The following NAA16 variants were observed in gnomAD, a reference collection of about 807,000 sequenced individuals.
The protein encoded by NAA16 is NARG1-like protein.
Under a neutral mutation model 110.3 loss-of-function variants are expected in NAA16, and 97 were observed. The ratio of observed to expected loss-of-function variants is 0.88; its 90% CI spans 0.75 to 1.04. The LOEUF (loss-of-function observed/expected upper bound fraction) is 1.04. Ranked by LOEUF, NAA16 falls within the 50% of genes least tolerant of loss-of-function variation. The pLI is 0.00. For synonymous variants in NAA16, 372 were observed against 330.6 expected (o/e 1.13, Z -1.36); for missense variants, 1,017 against 1,005.1 (o/e 1.01, Z -0.16).
Position 41,362,159 on chromosome 13 carries a change from G to C in NAA16, c.1539G>C (p.Arg513Ser). 2 of 1,589,788 alleles carry C rather than the reference G, an allele frequency of 1.3e-6. No individual in the cohort carries two copies. Among genetic ancestry groups the C allele is most frequent in the South Asian group, 2.3e-5 (2 of 86,444 alleles). The change falls in exon 13 of 20, where the codon AGG becomes AGC. Residue 513 changes from arginine (R) to serine (S), a missense_variant and splice_region_variant. By Grantham distance (110) the Arg-to-Ser change is moderately radical. Transcript: ENST00000379406. ...TGAAAAAATGTCATGAAGTAGAAAG[G>C]GTAAGTTGTTAGAATTTCGACTTCA... ...DALKKCHEVERHFFEITDDQF... is the reference protein window; with the variant it reads ...DALKKCHEVESHFFEITDDQF...
At chr13:41,372,677 A>G in intron 16 of NAA16, 55 bp from the exon 17 acceptor site, 1 of 1,456,710 alleles carries the variant, frequency 6.9e-7, no homozygotes, top group Non-Finnish European at 9.1e-7. Context: ...AAATAAAGTG[A>G]GGAAAATACT....
intron 3 of NAA16, among the ~76,000 whole-genome samples, chr13:41,319,718 T>C (rs2041899230): frequency 6.6e-6 from 1 of 151,802 alleles, no homozygotes; most frequent in Non-Finnish European, 1.5e-5. Flanking sequence ...AGTTTCGCCA[T>C]GTTGGTCAGG....
At chr13:41,363,851 C>G (rs1049755259) in intron 13 of NAA16, among the ~76,000 whole-genome samples, 1 of 152,066 alleles carries the variant, frequency 6.6e-6, no homozygotes, top group Non-Finnish European at 1.5e-5. Flanking sequence ...AAAGAACCTA[C>G]TCTTATACCA....
intron 9 of NAA16, among the ~76,000 whole-genome samples, chr13:41,352,147 G>A (rs1225723608): frequency 6.6e-6 from 1 of 152,124 alleles, no homozygotes; most frequent in African/African-American, 2.4e-5. Context: ...TTTGAGACCA[G>A]CCCGGGCAAC....
Position 41,318,922 on chromosome 13 carries a change from C to T in NAA16, c.244+12C>T, listed in dbSNP as rs775828674. On this transcript the variant is annotated intron_variant, in intron 3 of 19. Coordinates refer to ENST00000379406, the MANE Select transcript of NAA16 (RefSeq NM_024561.5). Reference sequence around the variant, plus strand: ...CAAGAGTCATGTCTGTATCCTTTTGCAGTAGTTAAATAGTTTATGTTTTAG... The same window carrying T: ...CAAGAGTCATGTCTGTATCCTTTTGTAGTAGTTAAATAGTTTATGTTTTAG... 4 of 1,487,226 alleles carry T rather than the reference C, an allele frequency of 2.7e-6. No individual in the cohort carries two copies. Among genetic ancestry groups the T allele is most frequent in the Non-Finnish European group, 1.8e-6 (2 of 1,094,306 alleles). The allele number at this position is 1,487,226 out of a possible 1,614,324, so 92.1% of individuals were successfully genotyped here.
intron 9 of NAA16, among the ~76,000 whole-genome samples, chr13:41,346,750 C>G (rs541774269): frequency 3.9e-5 from 6 of 152,126 alleles, no homozygotes; most frequent in South Asian, 2.1e-4. Context: ...AGACATACTC[C>G]TAGCTGGGCC....
Position 41,374,858 on chromosome 13 carries a change from G to A in NAA16, c.2397+19G>A, listed in dbSNP as rs763421268. On this transcript the variant is annotated intron_variant, in intron 19 of 19. Transcript: ENST00000379406. The stretch of plus-strand genomic sequence containing the variant: ...TGTAAAGGTAAGTTTTTTTTCTTTG[G>A]CTGATTTATGCTTACACAGTGATCT... 4.2e-6 allele frequency: 6 copies of A among 1,426,364 alleles called. No individual in the cohort carries two copies. The highest frequency in any genetic ancestry group is 5.9e-6 in the Non-Finnish European group (6 of 1,019,150). The allele number at this position is 1,426,364 out of a possible 1,614,324, so 88.4% of individuals were successfully genotyped here. A position where few individuals can be genotyped will look rare whatever the true frequency, so the allele number is the denominator to read the frequency against.
rs1482656632 is a variant in NAA16, at chr13:41,375,801, AC to A, written c.*200del. 2.1e-6 allele frequency: 1 copy of A among 475,122 alleles called. No homozygotes were observed. Among genetic ancestry groups the A allele is most frequent in the Non-Finnish European group, 3.7e-6 (1 of 270,966 alleles). The allele number at this position is 475,122 out of a possible 1,614,324, so 29.4% of individuals were successfully genotyped here. A position where few individuals can be genotyped will look rare whatever the true frequency, so the allele number is the denominator to read the frequency against. ...CTGTTAAAATTACCTGTTTATTCTT[AC>A]ACAGTTTTGTGGTAGCTCCGATCGC... On this transcript the variant is annotated 3_prime_UTR_variant, in exon 20 of 20. Transcript: ENST00000379406.
At position 41,369,763 on chromosome 13, in the gene NAA16, A is replaced by G. The variant is rs77072864; in HGVS notation, c.1947+480A>G. On this transcript the variant is annotated intron_variant, in intron 15 of 19. Coordinates refer to ENST00000379406, the MANE Select transcript of NAA16 (RefSeq NM_024561.5). ...TTGAAGATGGAAGGAGGGTGCCCCAAGCTAAGGAGTGTGGGCAGTCTAGAG... is the reference window on the plus strand; with the variant it reads ...TTGAAGATGGAAGGAGGGTGCCCCAGGCTAAGGAGTGTGGGCAGTCTAGAG... 3.7e-3 allele frequency among the ~76,000 whole-genome samples: 566 copies of G among 152,322 alleles called. 6 individuals are homozygous for G. The highest frequency in any genetic ancestry group is 0.013 in the African/African-American group (539 of 41,578).
chr13:41,359,419 A>T (rs568896196), intron 12 of NAA16, among the ~76,000 whole-genome samples: 1 of 152,206 alleles, frequency 6.6e-6, no homozygotes, highest in Non-Finnish European at 1.5e-5. Flanking sequence ...CTACACATCC[A>T]TCCCTTTTCC....
Position 41,373,699 on chromosome 13 carries a change from A to T in NAA16, c.2218A>T (p.Ile740Leu), listed in dbSNP as rs536459314. ...AGTTCTATCTCAAGAAATGCAGAAA[A>T]TATTTGTCAAAAAGGATTTGGAAAG... ...SKVLSQEMQK[I>L]FVKKDLESFN... Residue 740 changes from isoleucine to leucine, a missense_variant, in exon 18 of 20, where the codon ATA becomes TTA. Coordinates refer to ENST00000379406, the MANE Select transcript of NAA16 (RefSeq NM_024561.5). The T allele has an allele frequency of 1.2e-4, 197 of 1,611,900 alleles. 2 individuals carry two copies. The South Asian group carries it at 2.0e-3, about 17-fold the overall frequency.
Position 41,372,752 on chromosome 13 carries a change from C to T in NAA16, c.2077C>T (p.Gln693Ter), listed in dbSNP as rs1372812953. The T allele has an allele frequency of 1.3e-6, 2 of 1,599,648 alleles. No individual in the cohort carries two copies. Among genetic ancestry groups the T allele is most frequent in the East Asian group, 2.3e-5 (1 of 44,404 alleles). The part of the protein sequence containing the change: ...FRKGKFLLML[Q>*]SVKRAFAINS... ...CACAGGAAAGTTTCTGTTAATGCTG[C>T]AGTCTGTCAAACGAGCTTTTGCCAT... The change falls in exon 17 of 20, where the codon CAG (glutamine) becomes TAG (stop). Residue 693 changes from glutamine to a stop codon, truncating the protein, a stop_gained. Coordinates refer to ENST00000379406, the MANE Select transcript of NAA16 (RefSeq NM_024561.5). LOFTEE classifies it high-confidence loss of function.
chr13:41,365,167 T>G (rs1310642845), intron 13 of NAA16, among the ~76,000 whole-genome samples: 1 of 152,182 alleles, frequency 6.6e-6, no homozygotes, highest in Non-Finnish European at 1.5e-5. Context: ...TCTGTTGGTG[T>G]TGTGTAGCAT....
intron 18 of NAA16, 178 bp downstream of exon 18, chr13:41,373,958 G>T: frequency 1.0e-6 from 1 of 990,616 alleles, no homozygotes; most frequent in Non-Finnish European, 1.3e-6. Flanking sequence ...TTCACAGGAT[G>T]TAATACCAGA....
At chr13:41,374,925 C>A in intron 19 of NAA16, 86 bp downstream of exon 19, 1 of 753,096 alleles carries the variant, frequency 1.3e-6, no homozygotes, top group Non-Finnish European at 2.2e-6. Context: ...AGTAGGCCTT[C>A]AGAATTATGC....
intron 9 of NAA16, among the ~76,000 whole-genome samples, chr13:41,354,913 G>C (rs1304103977): frequency 2.5e-5 from 1 of 40,068 alleles, no homozygotes; most frequent in Non-Finnish European, 4.4e-5. Flanking sequence ...TTTGTCTTGT[G>C]AGTGGTCCAT....
intron 13 of NAA16, among the ~76,000 whole-genome samples, chr13:41,363,112 C>T: frequency 6.6e-6 from 1 of 152,002 alleles, no homozygotes; most frequent in Admixed American, 6.6e-5. Flanking sequence ...GGGGAAAATC[C>T]TCCTCATCTT....
At position 41,372,248 on chromosome 13, in the gene NAA16, A is replaced by G; in HGVS notation, c.1993A>G (p.Lys665Glu). 6.2e-7 allele frequency: 1 copy of G among 1,605,124 alleles called. No individual in the cohort carries two copies. The highest frequency in any genetic ancestry group is 1.1e-5 in the South Asian group (1 of 89,040). ...AGCCGTTAAGTTCCTTATACCTCTT[A>G]AGAACCTTGTTGCTGATAACATTGA... ...EEAVKFLIPL[K>E]NLVADNIDTH... is the part of the protein sequence containing the mutation. Residue 665 changes from lysine (K) to glutamate (E), a missense_variant, in exon 16 of 20, where the codon AAG (lysine) becomes GAG (glutamate). Physicochemically the swap from Lys to Glu is moderately conservative, Grantham distance 56. Coordinates refer to ENST00000379406, the MANE Select transcript of NAA16 (RefSeq NM_024561.5).
intron 19 of NAA16, 129 bp downstream of exon 19, chr13:41,374,968 G>A (rs141935693): frequency 4.0e-5 from 25 of 622,728 alleles, no homozygotes; most frequent in African/African-American, 3.5e-4. Context: ...TCAATTATGA[G>A]ATGCGTAACT....
Sources: allele counts gnomAD v4.1 joint callset (sites outside exome capture counted in the v4.1 genomes callset), GRCh38; gene constraint gnomAD v4.1.1; transcripts MANE v1.5; gene names NCBI Gene and HGNC (gene_info 2026-07-23, HGNC 2026-07-21).